COL4A2: variants seen among roughly 807,000 people sequenced by gnomAD.
COL4A2 encodes collagen alpha-2(IV) chain.
COL4A2 carries 99 observed loss-of-function variants against 200.2 expected under a neutral mutation model. The observed-to-expected ratio is 0.49, with a 90% CI of 0.42 to 0.58. The LOEUF is 0.58. Among genes scored for constraint, COL4A2 ranks in the 20% least tolerant of loss-of-function variants. The pLI, the probability that COL4A2 is intolerant of heterozygous loss-of-function variation, is 0.00. For missense variants in COL4A2, 1,950 were observed against 2,314.1 expected, an observed-to-expected ratio of 0.84 and a Z score of 3.23; for synonymous variants, 897 against 900.6, an observed-to-expected ratio of 1.00 and a Z score of 0.07.
intron 6 of COL4A2, among the ~76,000 whole-genome samples, chr13:110,428,133 T>C (rs527578005): frequency 1.3e-4 from 20 of 152,170 alleles, no homozygotes; most frequent in Non-Finnish European, 2.9e-4. Context: ...GCTTCTAAAA[T>C]CTTTCCTAGA....
At chr13:110,379,796 A>T (rs1414554067) in intron 4 of COL4A2, among the ~76,000 whole-genome samples, 1 of 152,284 alleles carries the variant, frequency 6.6e-6, no homozygotes, top group East Asian at 1.9e-4. Flanking sequence ...CACCCCTAAC[A>T]CATGAGAGCC....
chr13:110,467,154 C>T (rs1307112938), intron 27 of COL4A2, 58 bp downstream of exon 27: 2 of 1,602,510 alleles, frequency 1.2e-6, no homozygotes, highest in African/African-American at 2.7e-5. Flanking sequence ...CTTCACACTG[C>T]TGTGTCTCCC....
In COL4A2 at chr13:110,331,775, T is replaced by C. The variant is rs556581527; in HGVS notation, c.99+23652T>C. On this transcript the variant is annotated intron_variant, in intron 3 of 47. Transcript: ENST00000360467. ...TTCCTAATGAGTTCAAGCACTTTTG[T>C]ATAGATCTACTGGCCATTTGGTTAT... Among the ~76,000 whole-genome samples the C allele has an allele frequency of 1.1e-3, 175 of 152,312 alleles. 4 individuals are homozygous for C. Among genetic ancestry groups the C allele is most frequent in the African/African-American group, 4.1e-3 (171 of 41,580 alleles).
At position 110,504,055 on chromosome 13, in the gene COL4A2, T is replaced by G. The variant is rs1471365111; in HGVS notation, c.4285+62T>G. Reference sequence around the variant, plus strand: ...CTGCCCGGGCAAGGCCAGGGCCTGCTGGCATTGCGTCCTCTTGTGTTCTCT... The same window carrying G: ...CTGCCCGGGCAAGGCCAGGGCCTGCGGGCATTGCGTCCTCTTGTGTTCTCT... On this transcript the variant is annotated intron_variant, in intron 44 of 47. Coordinates refer to ENST00000360467, the MANE Select transcript of COL4A2 (RefSeq NM_001846.4). 8 of 1,560,304 alleles carry G rather than the reference T, an allele frequency of 5.1e-6. No individual in the cohort carries two copies. In the Admixed American group the frequency reaches 6.9e-5, roughly 13 times the overall value.
chr13:110,313,547 TCCACCCGGCA>T (rs1885048643), intron 3 of COL4A2, among the ~76,000 whole-genome samples: 2 of 107,600 alleles, frequency 1.9e-5, no homozygotes, highest in Non-Finnish European at 3.9e-5. Context: ...GTGCCCCGCG[TCCACCCGGCA>T]GGCTCCCACC....
chr13:110,347,925 G>A (rs894481181), intron 3 of COL4A2, among the ~76,000 whole-genome samples: 4 of 152,238 alleles, frequency 2.6e-5, no homozygotes, highest in Non-Finnish European at 5.9e-5. Context: ...CATGCCTCCT[G>A]GTTATGTCTT....
chr13:110,469,099 C>T, intron 27 of COL4A2, 118 bp from the exon 28 acceptor site: 1 of 1,183,078 alleles, frequency 8.5e-7, no homozygotes. Context: ...CTGATATTCC[C>T]CCCAGCCTCA....
intron 33 of COL4A2, 26 bp downstream of exon 33, chr13:110,485,053 G>A (rs1212280758): frequency 6.4e-7 from 1 of 1,556,736 alleles, no homozygotes; most frequent in Non-Finnish European, 8.7e-7. Flanking sequence ...TGCAGCCAGG[G>A]GCCCCTAGTC....
At position 110,446,824 on chromosome 13, in the gene COL4A2, T is replaced by G. The variant is rs745549261; in HGVS notation, c.1038T>G (p.Pro346=). ...GAGAAGCCGGAGACCCAGGGCCCCC[T>G]GGACTACCTGCCTACTCCCCTCACC... ...PKGEAGDPGP[P]GLPAYSPHPS... is the part of the protein sequence containing the mutation. The change falls in exon 18 of 48, where the codon CCT becomes CCG. Residue 346 remains proline (P), a synonymous_variant. Coordinates refer to ENST00000360467, the MANE Select transcript of COL4A2 (RefSeq NM_001846.4). 2 of 1,612,980 alleles carry G rather than the reference T, an allele frequency of 1.2e-6. No individual in the cohort carries two copies. Among genetic ancestry groups the G allele is most frequent in the Admixed American group, 3.3e-5 (2 of 60,008 alleles).
intron 6 of COL4A2, among the ~76,000 whole-genome samples, chr13:110,425,405 G>A (rs1880434850): frequency 6.6e-6 from 1 of 152,136 alleles, no homozygotes; most frequent in African/African-American, 2.4e-5. Flanking sequence ...GTTCTTTACA[G>A]CAACCTCACA....
chr13:110,465,980 C>G, intron 25 of COL4A2, 23 bp from the exon 26 acceptor site: 4 of 1,610,666 alleles, frequency 2.5e-6, no homozygotes, highest in East Asian at 2.2e-5. Flanking sequence ...TTGCCTCACT[C>G]TGTCCTTATG....
At chr13:110,467,952 A>G (rs1882312009) in intron 27 of COL4A2, among the ~76,000 whole-genome samples, 1 of 152,234 alleles carries the variant, frequency 6.6e-6, no homozygotes, top group African/African-American at 2.4e-5. Context: ...AGCACCAGAC[A>G]CAGCCAGAGC....
chr13:110,357,943 T>C (rs574719282), intron 4 of COL4A2, among the ~76,000 whole-genome samples: 1 of 152,220 alleles, frequency 6.6e-6, no homozygotes, highest in Non-Finnish European at 1.5e-5. Flanking sequence ...TGTGAAGGCC[T>C]GGGGCGTGAC....
At chr13:110,476,526 T>C (rs1882711099) in intron 29 of COL4A2, among the ~76,000 whole-genome samples, 4 of 152,158 alleles carry the variant, frequency 2.6e-5, no homozygotes, top group Non-Finnish European at 5.9e-5. Context: ...TCTGGGTTGG[T>C]CCAAGACTGA....
intron 40 of COL4A2, among the ~76,000 whole-genome samples, chr13:110,499,879 C>T (rs145531586): frequency 0.015 from 2,337 of 152,326 alleles, 23 homozygotes; most frequent in South Asian, 0.049. Context: ...CAGGAGTCTG[C>T]CATTATTTAC....
At chr13:110,348,604 T>C (rs1201784046) in intron 3 of COL4A2, among the ~76,000 whole-genome samples, 43 of 152,216 alleles carry the variant, frequency 2.8e-4, no homozygotes, top group Admixed American at 2.7e-3. Context: ...AAAATAGTAA[T>C]TCTAAAAGTC....
chr13:110,500,610 G>T (rs376102175), intron 40 of COL4A2, among the ~76,000 whole-genome samples: 3 of 152,140 alleles, frequency 2.0e-5, no homozygotes, highest in Admixed American at 6.5e-5. Flanking sequence ...CTCATTATTC[G>T]CAGTAGTTAT....
At chr13:110,482,471 A>G in intron 31 of COL4A2, 45 bp from the exon 32 acceptor site, 1 of 1,591,692 alleles carries the variant, frequency 6.3e-7, no homozygotes, top group Non-Finnish European at 8.6e-7. Context: ...TGTCCCATGC[A>G]TTTTATTCAT....
At chr13:110,499,845 C>T (rs1457694596) in intron 40 of COL4A2, among the ~76,000 whole-genome samples, 1 of 152,218 alleles carries the variant, frequency 6.6e-6, no homozygotes, top group African/African-American at 2.4e-5. Flanking sequence ...TGCCAGTCTG[C>T]GGATTGCACT....
Sources: allele counts gnomAD v4.1 joint callset (sites outside exome capture counted in the v4.1 genomes callset), GRCh38; gene constraint gnomAD v4.1.1; transcripts MANE v1.5; gene names NCBI Gene and HGNC (gene_info 2026-07-23, HGNC 2026-07-21).